CCSER1: variants seen among roughly 807,000 people sequenced by gnomAD.
The protein encoded by CCSER1 is serine-rich coiled-coil domain-containing protein 1.
In CCSER1, 41 loss-of-function variants were observed where a neutral mutation model predicts 82.0. The observed-to-expected ratio is 0.50, with a 90% confidence interval of 0.39 to 0.65. CCSER1 has a LOEUF of 0.65. CCSER1 is among the 30% of genes least tolerant of loss of function. The pLI is 0.00. For synonymous variants in CCSER1, 414 were observed against 383.9 expected, an observed-to-expected ratio of 1.08 and a Z score of -0.92; for missense variants, 1,119 against 1,064.2, an observed-to-expected ratio of 1.05 and a Z score of -0.72.
intron 9 of CCSER1, among the ~76,000 whole-genome samples, chr4:90,985,477 A>G (rs1736506652): frequency 6.6e-6 from 1 of 151,752 alleles, no homozygotes; most frequent in South Asian, 2.1e-4. Context: ...CACAGTTAAT[A>G]TTGGCAAAAG....
chr4:90,315,759 TC>T lies in CCSER1; in HGVS notation c.1509+2715del, dbSNP rs201134102. Among the ~76,000 whole-genome samples the T allele has an allele frequency of 7.0e-4, 106 of 152,300 alleles. 2 individuals carry two copies. The East Asian group carries it at 0.019, about 27-fold the overall frequency. On this transcript the variant is annotated intron_variant, in intron 3 of 10. Transcript: ENST00000509176. ...CCTCAGGTGATCCACTCACATCACC[TC>T]CCAAAGTGCTGGGATTACAGGTGTG...
chr4:91,142,937 G>A (rs891980682), intron 10 of CCSER1, among the ~76,000 whole-genome samples: 2 of 144,616 alleles, frequency 1.4e-5, no homozygotes, highest in African/African-American at 5.1e-5. Context: ...TGTTCTTTTT[G>A]CTTAGGGTTA....
At chr4:90,778,537 A>AC (rs1554011735) in intron 7 of CCSER1, among the ~76,000 whole-genome samples, 1 of 151,320 alleles carries the variant, frequency 6.6e-6, no homozygotes, top group Non-Finnish European at 1.5e-5. Context: ...TAAAAAAAAA[A>AC]AAACACAAAA....
At chr4:91,137,109 CA>C (rs1728551193) in intron 10 of CCSER1, among the ~76,000 whole-genome samples, 1 of 145,994 alleles carries the variant, frequency 6.8e-6, no homozygotes, top group Non-Finnish European at 1.5e-5. Context: ...GCGCTGCACC[CA>C]CTAACTCGTC....
intron 10 of CCSER1, among the ~76,000 whole-genome samples, chr4:91,512,122 T>C (rs1759859754): frequency 6.6e-6 from 1 of 152,184 alleles, no homozygotes; most frequent in African/African-American, 2.4e-5. Flanking sequence ...TGATGGTTGA[T>C]ACTGTCAACT....
chr4:90,684,266 T>G (rs1734409478), intron 6 of CCSER1, among the ~76,000 whole-genome samples: 1 of 152,206 alleles, frequency 6.6e-6, no homozygotes, highest in African/African-American at 2.4e-5. Context: ...GAATTAGGTT[T>G]GAAATATAAG....
intron 10 of CCSER1, among the ~76,000 whole-genome samples, chr4:91,427,805 T>A (rs1754078412): frequency 6.6e-6 from 1 of 152,126 alleles, no homozygotes; most frequent in Non-Finnish European, 1.5e-5. Flanking sequence ...GGGAACTTAA[T>A]TTAAAATAAC....
chr4:91,359,783 G>A (rs556650578), intron 10 of CCSER1, among the ~76,000 whole-genome samples: 5 of 151,798 alleles, frequency 3.3e-5, no homozygotes, highest in South Asian at 2.1e-4. Context: ...ATAATTTCAC[G>A]TCCAGCAGTA....
At chr4:90,674,153 A>C (rs1160890153) in intron 6 of CCSER1, among the ~76,000 whole-genome samples, 2 of 152,038 alleles carry the variant, frequency 1.3e-5, no homozygotes, top group Non-Finnish European at 2.9e-5. Flanking sequence ...AGTACTTAGT[A>C]TTACAAGCTT....
intron 10 of CCSER1, among the ~76,000 whole-genome samples, chr4:91,589,466 G>A (rs1412159437): frequency 6.6e-6 from 1 of 151,862 alleles, no homozygotes; most frequent in East Asian, 1.9e-4. Context: ...GACATTATGT[G>A]AATCTAAAGA....
intron 5 of CCSER1, among the ~76,000 whole-genome samples, chr4:90,627,028 G>A (rs1318350644): frequency 6.6e-6 from 1 of 152,036 alleles, no homozygotes; most frequent in Admixed American, 6.6e-5. Flanking sequence ...AACACACATG[G>A]AGTGGTTAGC....
chr4:90,699,845 A>G (rs377734840), intron 6 of CCSER1, among the ~76,000 whole-genome samples: 7 of 152,082 alleles, frequency 4.6e-5, no homozygotes, highest in African/African-American at 1.7e-4. Context: ...AAATTAGATT[A>G]GTGCCCTTAT....
chr4:90,508,242 A>G (rs1430027015), intron 5 of CCSER1, among the ~76,000 whole-genome samples: 1 of 152,122 alleles, frequency 6.6e-6, no homozygotes, highest in East Asian at 1.9e-4. Flanking sequence ...GAAGTTGTTC[A>G]TAAAATCTAA....
At chr4:90,132,530 A>G (rs1193975937) in intron 1 of CCSER1, among the ~76,000 whole-genome samples, 2 of 152,224 alleles carry the variant, frequency 1.3e-5, no homozygotes, top group Non-Finnish European at 2.9e-5. Context: ...TAAAATATAA[A>G]GCTGACTATT....
At chr4:90,529,951 A>ATATATATAT (rs376043950) in intron 5 of CCSER1, among the ~76,000 whole-genome samples, 1 of 127,098 alleles carries the variant, frequency 7.9e-6, no homozygotes, top group African/African-American at 2.8e-5. Flanking sequence ...ATATATATAT[A>ATATATATAT]TTTTTTTTTT....
intron 5 of CCSER1, among the ~76,000 whole-genome samples, chr4:90,594,420 T>A (rs566123681): frequency 1.3e-5 from 2 of 152,198 alleles, no homozygotes; most frequent in South Asian, 4.1e-4. Context: ...AGAATTTAAC[T>A]AGCCCTGTGT....
chr4:91,067,009 C>T (rs1561517670), intron 9 of CCSER1, among the ~76,000 whole-genome samples: 1 of 151,916 alleles, frequency 6.6e-6, no homozygotes, highest in African/African-American at 2.4e-5. Context: ...ACTAAAAATA[C>T]AAAAAATTAG....
chr4:90,851,967 A>G (rs1763943854), intron 8 of CCSER1, among the ~76,000 whole-genome samples: 1 of 152,142 alleles, frequency 6.6e-6, no homozygotes, highest in South Asian at 2.1e-4. Flanking sequence ...ATTTCTTCCA[A>G]CCCTTTGTGG....
At chr4:90,227,229 G>A (rs1286190302) in intron 1 of CCSER1, among the ~76,000 whole-genome samples, 1 of 152,192 alleles carries the variant, frequency 6.6e-6, no homozygotes, top group Admixed American at 6.5e-5. Flanking sequence ...ATGATCTGTA[G>A]TTTGTTTGCT....
Sources: gnomAD v4.1 joint callset for allele counts (sites outside exome capture counted in the v4.1 genomes callset) on GRCh38, gnomAD v4.1.1 for gene constraint, MANE v1.5 for transcripts, NCBI Gene and HGNC (gene_info 2026-07-23, HGNC 2026-07-21) for gene names.